The following SGCZ variants were observed in gnomAD, a reference collection of about 807,000 sequenced individuals.
SGCZ encodes sarcoglycan zeta, also known as zeta-sarcoglycan.
SGCZ carries 40 observed loss-of-function variants against 41.3 expected under a neutral mutation model. The ratio of observed to expected loss-of-function variants is 0.97; its 90% CI spans 0.75 to 1.26. The LOEUF (loss-of-function observed/expected upper bound fraction) is 1.26. Ranked by LOEUF, SGCZ falls within the 50% of genes most tolerant of loss-of-function variation. SGCZ has a pLI of 0.00. For synonymous variants in SGCZ, 206 were observed against 137.5 expected (o/e 1.50, Z -3.49); for missense variants, 552 against 369.8 (o/e 1.49, Z -4.04).
At chr8:14,847,126 A>AAGAAGAAGAAGAAGAAGAAG (rs761276429) in intron 1 of SGCZ, among the ~76,000 whole-genome samples, 2 of 126,362 alleles carry the variant, frequency 1.6e-5, no homozygotes, top group African/African-American at 6.1e-5. Flanking sequence ...GAAGAAGAAG[A>AAGAAGAAGAAGAAGAAGAAG]AAGAAGAAGA....
chr8:14,641,248 C>A (rs1464403707), intron 1 of SGCZ, among the ~76,000 whole-genome samples: 1 of 151,608 alleles, frequency 6.6e-6, no homozygotes, highest in Non-Finnish European at 1.5e-5. Flanking sequence ...TTCAAATCAG[C>A]AAAAGCAACA....
At chr8:14,906,563 G>T (rs899994792) in intron 1 of SGCZ, among the ~76,000 whole-genome samples, 2 of 152,130 alleles carry the variant, frequency 1.3e-5, no homozygotes, top group African/African-American at 4.8e-5. Flanking sequence ...AATTTAAACA[G>T]ATATTTGGCT....
chr8:14,707,113 C>A (rs926179092), intron 1 of SGCZ, among the ~76,000 whole-genome samples: 1 of 150,986 alleles, frequency 6.6e-6, no homozygotes, highest in African/African-American at 2.4e-5. Context: ...TATACATGTG[C>A]CATGTTGGTG....
At chr8:14,296,635 C>G (rs1016949574) in intron 3 of SGCZ, among the ~76,000 whole-genome samples, 1 of 151,976 alleles carries the variant, frequency 6.6e-6, no homozygotes, top group Non-Finnish European at 1.5e-5. Context: ...CAGACCCATA[C>G]AATGTTAATT....
chr8:14,389,469 C>G (rs557568061), intron 2 of SGCZ, among the ~76,000 whole-genome samples: 2 of 146,258 alleles, frequency 1.4e-5, no homozygotes, highest in East Asian at 2.0e-4. Flanking sequence ...ACAAACTAAC[C>G]TGACAGGAAA....
rs1563213424 is a variant in SGCZ at position 14,702,986 on chromosome 8, C to CAGAT, written c.40-148064_40-148061dup. On this transcript the variant is annotated intron_variant, in intron 1 of 7. Transcript: ENST00000382080. ...ATAGATAGATAGACAGACAGACAGACAGATAGATTTATTTGAACAATTCTT... is the reference window on the plus strand; with the variant it reads ...ATAGATAGATAGACAGACAGACAGACAGATAGATAGATTTATTTGAACAATTCTT... 4.7e-5 allele frequency among the ~76,000 whole-genome samples: 7 copies of CAGAT among 148,722 alleles called. No homozygotes were observed. In the East Asian group the frequency reaches 8.0e-4, roughly 17 times the overall value.
intron 2 of SGCZ, among the ~76,000 whole-genome samples, chr8:14,416,242 C>T (rs1298778204): frequency 1.3e-5 from 2 of 151,846 alleles, no homozygotes; most frequent in African/African-American, 4.8e-5. Context: ...GCAGACATTT[C>T]CTATAAGAAG....
intron 1 of SGCZ, among the ~76,000 whole-genome samples, chr8:15,076,039 T>C (rs1208078174): frequency 2.0e-5 from 3 of 152,198 alleles, no homozygotes; most frequent in Non-Finnish European, 4.4e-5. Flanking sequence ...TATGAGACTA[T>C]AGCTTCTAAT....
chr8:14,667,300 G>T (rs991801630), intron 1 of SGCZ, among the ~76,000 whole-genome samples: 2 of 152,070 alleles, frequency 1.3e-5, no homozygotes, highest in Admixed American at 6.6e-5. Flanking sequence ...AAGTTATTTG[G>T]CTCCTAGAGA....
chr8:15,139,305 G>C (rs1379338), intron 1 of SGCZ, among the ~76,000 whole-genome samples: 17,658 of 152,144 alleles, frequency 0.12, 1,150 homozygotes, highest in East Asian at 0.28. Context: ...ATCAGTCATG[G>C]GAGAGGACGG....
At chr8:14,401,394 G>A (rs137880061) in intron 2 of SGCZ, among the ~76,000 whole-genome samples, 1,551 of 147,892 alleles carry the variant, frequency 0.01, 17 homozygotes, top group African/African-American at 0.022. Context: ...CCAATAACTC[G>A]TCATCTAGCA....
chr8:14,985,901 A>G (rs1056104632), intron 1 of SGCZ, among the ~76,000 whole-genome samples: 2 of 152,220 alleles, frequency 1.3e-5, no homozygotes, highest in African/African-American at 4.8e-5. Context: ...GGCAGAAAAC[A>G]GATGAAAACT....
chr8:14,709,613 T>A (rs1332478998), intron 1 of SGCZ, among the ~76,000 whole-genome samples: 2 of 152,074 alleles, frequency 1.3e-5, no homozygotes, highest in Admixed American at 1.3e-4. Flanking sequence ...ATTTTCACAG[T>A]GATTTTAAAA....
intron 3 of SGCZ, chr8:14,309,082 G>A (rs527598473): frequency 1.2e-5 from 17 of 1,430,520 alleles, no homozygotes; most frequent in African/African-American, 4.2e-5. Flanking sequence ...AGGAGAAAAC[G>A]GAATCTCATC....
intron 1 of SGCZ, among the ~76,000 whole-genome samples, chr8:15,091,890 C>T (rs991727253): frequency 8.6e-5 from 13 of 151,966 alleles, no homozygotes; most frequent in Admixed American, 7.2e-4. Flanking sequence ...GTAGCTGGGA[C>T]TACAAGCTCA....
At chr8:14,343,422 C>G (rs567419131) in intron 2 of SGCZ, among the ~76,000 whole-genome samples, 28 of 152,240 alleles carry the variant, frequency 1.8e-4, no homozygotes, top group African/African-American at 5.8e-4. Context: ...TCAAGGCAGT[C>G]AGAAATGGAG....
intron 1 of SGCZ, among the ~76,000 whole-genome samples, chr8:14,972,015 C>G (rs886127262): frequency 5.9e-5 from 9 of 151,850 alleles, no homozygotes; most frequent in African/African-American, 2.2e-4. Context: ...TTCATAATAA[C>G]TGTGTTTGGT....
At chr8:15,199,807 A>G (rs542272456) in intron 1 of SGCZ, among the ~76,000 whole-genome samples, 1 of 152,230 alleles carries the variant, frequency 6.6e-6, no homozygotes, top group Non-Finnish European at 1.5e-5. Context: ...TATGAAACCT[A>G]TACTGTATTA....
chr8:14,414,552 A>G (rs1799445082), intron 2 of SGCZ, among the ~76,000 whole-genome samples: 1 of 151,984 alleles, frequency 6.6e-6, no homozygotes, highest in African/African-American at 2.4e-5. Context: ...AAACCTCTTC[A>G]AAAGTATTAA....
Sources: allele counts gnomAD v4.1 joint callset (sites outside exome capture counted in the v4.1 genomes callset), GRCh38; gene constraint gnomAD v4.1.1; transcripts MANE v1.5; gene names NCBI Gene and HGNC (gene_info 2026-07-23, HGNC 2026-07-21).